Variants in RBFOX1 observed in about 807,000 individuals in gnomAD.
RBFOX1 encodes RNA binding protein fox-1 homolog 1.
A neutral mutation model predicts 57.7 loss-of-function variants in RBFOX1; 8 were observed. That is an observed-to-expected ratio of 0.14 (90% CI 0.08 to 0.25). RBFOX1 has a LOEUF of 0.25. Ranked by LOEUF, RBFOX1 falls within the 10% of genes least tolerant of loss-of-function variation. RBFOX1 has a pLI of 1.00. For missense variants in RBFOX1, 611 were observed against 548.5 expected, an observed-to-expected ratio of 1.11 and a Z score of -1.14; for synonymous variants, 326 against 222.4, an observed-to-expected ratio of 1.47 and a Z score of -4.15.
chr16:6,804,695 C>G (rs752494846), intron 3 of RBFOX1, among the ~76,000 whole-genome samples: 16 of 152,068 alleles, frequency 1.1e-4, no homozygotes, highest in Non-Finnish European at 2.1e-4. Flanking sequence ...GAGTGCTGAC[C>G]TCACACATGA....
chr16:7,361,913 T>C (rs1465322982), intron 4 of RBFOX1, among the ~76,000 whole-genome samples: 3 of 151,726 alleles, frequency 2.0e-5, no homozygotes, highest in Non-Finnish European at 2.9e-5. Context: ...TTTGTGTTAG[T>C]TTGCATATGT....
intron 2 of RBFOX1, among the ~76,000 whole-genome samples, chr16:5,556,764 C>T (rs964205202): frequency 6.6e-6 from 1 of 151,736 alleles, no homozygotes; most frequent in Admixed American, 6.5e-5. Context: ...AAGAAAGATG[C>T]CACGAAAACA....
In RBFOX1 at chr16:5,581,256, C is replaced by T. The variant is rs551719286; in HGVS notation, c.259-17646C>T. Among the ~76,000 whole-genome samples, 16 of 152,116 alleles carry T rather than the reference C, an allele frequency of 1.1e-4. 1 individual carries two copies. The highest frequency in any genetic ancestry group is 1.0e-3 in the South Asian group (5 of 4,824). ...TCAGACCGAGTATTTTGTCATGTGC[C>T]AGGGACTGTGCTAAGTTCTACAAGG... On this transcript the variant is annotated intron_variant, in intron 2 of 2. Coordinates refer to the RBFOX1 transcript ENST00000585867.
intron 4 of RBFOX1, among the ~76,000 whole-genome samples, chr16:7,364,117 A>G (rs1351041526): frequency 3.9e-5 from 6 of 152,282 alleles, no homozygotes; most frequent in East Asian, 1.9e-4. Flanking sequence ...TTAGGAATCC[A>G]TCTCTCCCTG....
rs182942776 is a variant in RBFOX1, at chr16:7,099,349, C to T, written c.27+47251C>T. On this transcript the variant is annotated intron_variant, in intron 4 of 15. Coordinates refer to ENST00000550418, the MANE Select transcript of RBFOX1 (RefSeq NM_018723.4). ...TAAACTCATTTTGTACCAGCTTCTC[C>T]TCGTAGGATCTTTCTTGGGTGTTTT... Among the ~76,000 whole-genome samples, 74 of 152,208 alleles carry T rather than the reference C, an allele frequency of 4.9e-4. 1 individual carries two copies. The highest frequency in any genetic ancestry group is 1.2e-3 in the African/African-American group (51 of 41,530).
At chr16:7,149,206 G>C (rs2075643214) in intron 4 of RBFOX1, among the ~76,000 whole-genome samples, 1 of 152,036 alleles carries the variant, frequency 6.6e-6, no homozygotes, top group African/African-American at 2.4e-5. Flanking sequence ...TTTTTATTCA[G>C]AGTCAAGACT....
chr16:7,284,905 T>C (rs1454788481), intron 4 of RBFOX1, among the ~76,000 whole-genome samples: 1 of 152,104 alleles, frequency 6.6e-6, no homozygotes, highest in Admixed American at 6.5e-5. Context: ...ATGCACACTC[T>C]TTCTTACATC....
At chr16:6,806,474 G>C (rs974081960) in intron 3 of RBFOX1, among the ~76,000 whole-genome samples, 9 of 152,002 alleles carry the variant, frequency 5.9e-5, no homozygotes, top group African/African-American at 1.2e-4. Flanking sequence ...ATTTCAGAAA[G>C]TATCTTTGCT....
chr16:7,666,519 T>C (rs146690651), intron 13 of RBFOX1, among the ~76,000 whole-genome samples: 1 of 152,196 alleles, frequency 6.6e-6, no homozygotes, highest in African/African-American at 2.4e-5. Context: ...GTGTGGTGTC[T>C]TATGCAGATA....
chr16:7,144,998 A>G, intron 4 of RBFOX1, among the ~76,000 whole-genome samples: 1 of 152,094 alleles, frequency 6.6e-6, no homozygotes, highest in East Asian at 1.9e-4. Context: ...GAAACAGGTC[A>G]GCTGACGTTG....
intron 1 of RBFOX1, among the ~76,000 whole-genome samples, chr16:5,410,135 G>C (rs190850576): frequency 6.6e-5 from 10 of 152,028 alleles, no homozygotes; most frequent in Non-Finnish European, 2.9e-5. Flanking sequence ...AGAGCAATGT[G>C]GGTGGAACAC....
At chr16:6,497,582 G>A (rs2153164123) in intron 2 of RBFOX1, among the ~76,000 whole-genome samples, 1 of 150,390 alleles carries the variant, frequency 6.6e-6, no homozygotes, top group South Asian at 2.1e-4. Context: ...AAAAAACAGA[G>A]TTTTGCTCTT....
intron 3 of RBFOX1, among the ~76,000 whole-genome samples, chr16:5,605,224 C>T (rs2047528030): frequency 6.6e-6 from 1 of 152,208 alleles, no homozygotes; most frequent in African/African-American, 2.4e-5. Context: ...GATTTCATCT[C>T]TGATTCCACC....
chr16:5,342,226 A>C (rs1051365592), intron 1 of RBFOX1, among the ~76,000 whole-genome samples: 2 of 152,138 alleles, frequency 1.3e-5, no homozygotes, highest in Non-Finnish European at 2.9e-5. Context: ...ACCAGTTCCA[A>C]AGGTGGCCTC....
At chr16:6,847,033 G>A (rs1347458622) in intron 3 of RBFOX1, among the ~76,000 whole-genome samples, 2 of 152,112 alleles carry the variant, frequency 1.3e-5, no homozygotes, top group East Asian at 3.9e-4. Context: ...TCCCACAGCT[G>A]CAAAATAGAT....
intron 3 of RBFOX1, among the ~76,000 whole-genome samples, chr16:5,658,053 C>G (rs192398586): frequency 6.6e-6 from 1 of 152,242 alleles, no homozygotes; most frequent in East Asian, 1.9e-4. Flanking sequence ...ATTCTTGATA[C>G]CATTTCGTGA....
chr16:7,301,083 A>G (rs2096018901), intron 4 of RBFOX1, among the ~76,000 whole-genome samples: 1 of 152,086 alleles, frequency 6.6e-6, no homozygotes, highest in Non-Finnish European at 1.5e-5. Context: ...CTCTTTTGAG[A>G]TGGAATTCAA....
At chr16:7,190,669 C>T (rs1178504821) in intron 4 of RBFOX1, among the ~76,000 whole-genome samples, 2 of 152,064 alleles carry the variant, frequency 1.3e-5, no homozygotes, top group African/African-American at 2.4e-5. Context: ...ATCAGAAATT[C>T]AGCTCCCCAG....
chr16:7,537,645 T>C (rs551990040), intron 5 of RBFOX1, among the ~76,000 whole-genome samples: 3 of 152,304 alleles, frequency 2.0e-5, no homozygotes, highest in Non-Finnish European at 4.4e-5. Context: ...CATCCTGACC[T>C]TGCCAAGGGA....
Sources: allele counts gnomAD v4.1 joint callset (sites outside exome capture counted in the v4.1 genomes callset), GRCh38; gene constraint gnomAD v4.1.1; transcripts MANE v1.5; gene names NCBI Gene and HGNC (gene_info 2026-07-23, HGNC 2026-07-21).